Variants in ITCH observed in about 807,000 individuals in gnomAD.
ITCH encodes itchy E3 ubiquitin protein ligase, also known as E3 ubiquitin-protein ligase Itchy homolog.
ITCH carries 28 observed loss-of-function variants against 126.8 expected under a neutral mutation model. That is an observed-to-expected ratio of 0.22 (90% CI 0.16 to 0.30). The LOEUF (loss-of-function observed/expected upper bound fraction) is 0.30. Among genes scored for constraint, ITCH ranks in the 10% least tolerant of loss-of-function variants. The pLI is 1.00. For missense variants in ITCH, 631 were observed against 1,032.4 expected, an observed-to-expected ratio of 0.61 and a Z score of 5.33; for synonymous variants, 342 against 340.0, an observed-to-expected ratio of 1.01 and a Z score of -0.06.
At chr20:34,502,234 G>T (rs1446705020) in intron 23 of ITCH, among the ~76,000 whole-genome samples, 1 of 151,938 alleles carries the variant, frequency 6.6e-6, no homozygotes, top group Non-Finnish European at 1.5e-5. Context: ...AGTTAAATAT[G>T]CTGCTAGGTA....
chr20:34,425,914 G>A (rs2146226770), intron 7 of ITCH, among the ~76,000 whole-genome samples: 1 of 152,370 alleles, frequency 6.6e-6, no homozygotes, highest in Non-Finnish European at 1.5e-5. Context: ...CTTTGTGTCT[G>A]TGTCTTATTT....
intron 10 of ITCH, among the ~76,000 whole-genome samples, chr20:34,443,814 A>G (rs1187251088): frequency 6.6e-6 from 1 of 151,972 alleles, no homozygotes; most frequent in Non-Finnish European, 1.5e-5. Context: ...GTGAGACCCC[A>G]TCACTATAGA....
chr20:34,498,332 T>C (rs1990021091), intron 23 of ITCH, among the ~76,000 whole-genome samples: 1 of 152,202 alleles, frequency 6.6e-6, no homozygotes. Flanking sequence ...TTCTTTCTCT[T>C]ATCTAATTGC....
chr20:34,484,734 C>CT (rs1988990773), intron 20 of ITCH, among the ~76,000 whole-genome samples: 2 of 152,120 alleles, frequency 1.3e-5, no homozygotes. Context: ...ATAAAATGCA[C>CT]TGATCTTAAG....
intron 24 of ITCH, 109 bp from the exon 25 acceptor site, chr20:34,507,586 C>T: frequency 2.4e-6 from 2 of 820,230 alleles, no homozygotes; most frequent in Admixed American, 1.9e-5. Flanking sequence ...CTTTGAAGCA[C>T]AGTAGTATAT....
chr20:34,371,923 C>T (rs2037646169), intron 2 of ITCH, among the ~76,000 whole-genome samples: 1 of 152,148 alleles, frequency 6.6e-6, no homozygotes, highest in Non-Finnish European at 1.5e-5. Context: ...CCAGCTCACT[C>T]TATTATATTC....
intron 1 of ITCH, among the ~76,000 whole-genome samples, chr20:34,364,349 A>AT (rs2037325794): frequency 1.3e-5 from 2 of 152,032 alleles, no homozygotes; most frequent in African/African-American, 2.4e-5. Flanking sequence ...GAATTGTGGG[A>AT]TTTTTGCCTT....
intron 14 of ITCH, among the ~76,000 whole-genome samples, chr20:34,464,084 C>T (rs898251902): frequency 2.0e-5 from 3 of 151,856 alleles, no homozygotes; most frequent in African/African-American, 7.2e-5. Flanking sequence ...ACGCCATTCT[C>T]CTGCCTCAGC....
intron 20 of ITCH, 125 bp from the exon 21 acceptor site, chr20:34,489,141 T>C: frequency 1.4e-6 from 1 of 726,374 alleles, no homozygotes; most frequent in Non-Finnish European, 2.2e-6. Flanking sequence ...GTACAGGGGG[T>C]TCATTATGTT....
Position 34,413,886 on chromosome 20 carries a change from G to A in ITCH, c.475+7G>A. On this transcript the variant is annotated splice_region_variant and intron_variant, in intron 6 of 24. Coordinates refer to ENST00000374864, the MANE Select transcript of ITCH (RefSeq NM_031483.7). ...GAAACTACATGTTCAGAAAGTAAGT[G>A]ACTACCTTTTTAAGGTCTTTAATGA... 6.2e-7 allele frequency: 1 copy of A among 1,608,232 alleles called. No homozygotes were observed.
rs867392528 is a variant in ITCH at position 34,435,174 on chromosome 20, G to T, written c.522-3300G>T. On this transcript the variant is annotated intron_variant, in intron 7 of 24. Coordinates refer to ENST00000374864, the MANE Select transcript of ITCH (RefSeq NM_031483.7). ...GATTTTTTGGTTTGTTTGTTTTTGGGTTTTTTTTTTTTGAGACAGAGTCTT... is the reference window on the plus strand; with the variant it reads ...GATTTTTTGGTTTGTTTGTTTTTGGTTTTTTTTTTTTTGAGACAGAGTCTT... Among the ~76,000 whole-genome samples, 361 of 145,148 alleles carry T rather than the reference G, an allele frequency of 2.5e-3. 2 individuals carry two copies. Among genetic ancestry groups the T allele is most frequent in the Middle Eastern group, 7.1e-3 (2 of 282 alleles).
chr20:34,392,372 T>C (rs1027780327), intron 2 of ITCH, among the ~76,000 whole-genome samples: 2 of 152,164 alleles, frequency 1.3e-5, no homozygotes, highest in East Asian at 1.9e-4. Flanking sequence ...GAAAAAAATA[T>C]ATGTATTATG....
chr20:34,501,046 C>T (rs375472228), intron 23 of ITCH, among the ~76,000 whole-genome samples: 4 of 152,084 alleles, frequency 2.6e-5, no homozygotes. Flanking sequence ...TTTTTTCTTG[C>T]AGTACTTTGA....
chr20:34,500,264 C>T (rs1223929044), intron 23 of ITCH, among the ~76,000 whole-genome samples: 1 of 152,132 alleles, frequency 6.6e-6, no homozygotes, highest in Non-Finnish European at 1.5e-5. Flanking sequence ...CTATCCAGTG[C>T]TAAGAGTGGA....
At chr20:34,445,567 C>T in intron 11 of ITCH, 106 bp downstream of exon 11, 1 of 1,054,154 alleles carries the variant, frequency 9.5e-7, no homozygotes, top group Non-Finnish European at 1.5e-6. Context: ...AGCATGGCAA[C>T]CCAGTTGTTG....
chr20:34,433,238 C>A (rs571224350), intron 7 of ITCH, among the ~76,000 whole-genome samples: 1 of 152,268 alleles, frequency 6.6e-6, no homozygotes, highest in South Asian at 2.1e-4. Context: ...TGCAGTGAGC[C>A]GAGATCGTGC....
rs1410706262 is a variant in ITCH, at chr20:34,363,331, G to A, written c.-117G>A. On this transcript the variant is annotated 5_prime_UTR_variant, in exon 1 of 25. Transcript: ENST00000374864. ...ATCTTAGTCTAGGGACTGAGGAGTC[G>A]CCGCCGCCCCGAGTCCCGGTAAACC... 1.3e-4 allele frequency: 20 copies of A among 152,614 alleles called. No individual in the cohort carries two copies. Among genetic ancestry groups the A allele is most frequent in the Non-Finnish European group, 1.5e-5 (1 of 68,046 alleles). 9.5% of individuals were successfully genotyped at this position (152,614 alleles called of 1,614,324 possible).
In ITCH at chr20:34,438,655, T is replaced by G. The variant is rs201025615; in HGVS notation, c.679+24T>G. 697 of 1,612,962 alleles carry G rather than the reference T, an allele frequency of 4.3e-4. 6 individuals are homozygous for G. Among genetic ancestry groups the G allele is most frequent in the South Asian group, 4.2e-3 (379 of 91,036 alleles). The stretch of plus-strand genomic sequence containing the variant: ...AGGTTTGTATTCCAGCTCTCAATAC[T>G]CTTGGAAATAATGTCCTGGTTGGCA... On this transcript the variant is annotated intron_variant, in intron 8 of 24. Coordinates refer to ENST00000374864, the MANE Select transcript of ITCH (RefSeq NM_031483.7).
intron 7 of ITCH, among the ~76,000 whole-genome samples, chr20:34,425,076 C>T (rs1475594869): frequency 6.6e-6 from 1 of 152,202 alleles, no homozygotes; most frequent in Non-Finnish European, 1.5e-5. Context: ...CCATTTTGAT[C>T]TGTACTAAGA....
Sources: allele counts gnomAD v4.1 joint callset (sites outside exome capture counted in the v4.1 genomes callset), GRCh38; gene constraint gnomAD v4.1.1; transcripts MANE v1.5; gene names NCBI Gene and HGNC (gene_info 2026-07-23, HGNC 2026-07-21).